Variants in GRIP1 observed in about 807,000 individuals in gnomAD.
GRIP1 encodes the protein glutamate receptor-interacting protein 1.
GRIP1 carries 45 observed loss-of-function variants against 129.9 expected under a neutral mutation model. The observed-to-expected ratio is 0.35, with a 90% confidence interval of 0.27 to 0.44. The LOEUF (loss-of-function observed/expected upper bound fraction) is 0.44, where lower values mean the gene tolerates loss of function less well. Ranked by LOEUF, GRIP1 falls within the 20% of genes least tolerant of loss-of-function variation. The pLI, the probability that GRIP1 is intolerant of heterozygous loss-of-function variation, is 1.00. For missense variants in GRIP1, 1,196 were observed against 1,396.8 expected (o/e 0.86, Z 2.29); for synonymous variants, 530 against 520.8 (o/e 1.02, Z -0.24).
intron 19 of GRIP1, among the ~76,000 whole-genome samples, chr12:66,380,743 T>C (rs959455996): frequency 6.6e-6 from 1 of 152,108 alleles, no homozygotes; most frequent in African/African-American, 2.4e-5. Context: ...ATTATGGGGG[T>C]TCAAGTGGGG....
chr12:66,775,136 A>C lies in GRIP1; in HGVS notation c.-420+28917T>G, dbSNP rs577228680. Among the ~76,000 whole-genome samples the C allele has an allele frequency of 4.6e-5, 7 of 152,310 alleles. No homozygotes were observed. In the East Asian group the frequency reaches 1.3e-3, roughly 29 times the overall value. ...AATGTGAAATTAAATTAAAGGATGCATCTGTGCTCAGCCCCTAATTGCCAG... is the reference window on the plus strand; with the variant it reads ...AATGTGAAATTAAATTAAAGGATGCCTCTGTGCTCAGCCCCTAATTGCCAG... On this transcript the variant is annotated intron_variant, in intron 1 of 4. Coordinates refer to the GRIP1 transcript ENST00000538373.
intron 1 of GRIP1, among the ~76,000 whole-genome samples, chr12:66,943,249 G>C (rs1304114879): frequency 6.6e-6 from 1 of 152,178 alleles, no homozygotes; most frequent in Non-Finnish European, 1.5e-5. Flanking sequence ...CTTATAAGTA[G>C]TAAGGGTCTT....
chr12:66,539,485 A>AT (rs1301828722), intron 3 of GRIP1, among the ~76,000 whole-genome samples: 1 of 121,764 alleles, frequency 8.2e-6, no homozygotes, highest in Non-Finnish European at 1.7e-5. Flanking sequence ...ACTATCTCTG[A>AT]TTTTTTTCCT....
chr12:66,755,401 T>C (rs962330988), intron 1 of GRIP1, among the ~76,000 whole-genome samples: 5 of 152,326 alleles, frequency 3.3e-5, no homozygotes, highest in South Asian at 4.1e-4. Flanking sequence ...GTGGTCACCA[T>C]ACAGTGGTTT....
chr12:66,376,923 G>T, intron 22 of GRIP1, 94 bp downstream of exon 22: 4 of 876,388 alleles, frequency 4.6e-6, no homozygotes, highest in South Asian at 2.6e-5. Flanking sequence ...ATATACTTTT[G>T]ACTGCATTGT....
At chr12:66,887,841 C>T (rs1437231748) in intron 1 of GRIP1, among the ~76,000 whole-genome samples, 1 of 152,020 alleles carries the variant, frequency 6.6e-6, no homozygotes, top group African/African-American at 2.4e-5. Context: ...ATGCACCCTC[C>T]ACCAAAAGAG....
At chr12:66,790,633 TC>T in intron 1 of GRIP1, among the ~76,000 whole-genome samples, 1 of 152,088 alleles carries the variant, frequency 6.6e-6, no homozygotes, top group Non-Finnish European at 1.5e-5. Flanking sequence ...AATTCAAGGT[TC>T]CTAGTTTTTA....
chr12:66,949,597 CTG>C (rs1450791803), intron 1 of GRIP1, among the ~76,000 whole-genome samples: 1 of 152,086 alleles, frequency 6.6e-6, no homozygotes, highest in African/African-American at 2.4e-5. Flanking sequence ...TCTTATTAAA[CTG>C]TCTTGATGAC....
At chr12:66,832,825 T>C (rs1239874844) in intron 1 of GRIP1, among the ~76,000 whole-genome samples, 4 of 152,204 alleles carry the variant, frequency 2.6e-5, no homozygotes, top group Admixed American at 2.0e-4. Context: ...AGTGCATCAG[T>C]GACTGTAAAA....
intron 2 of GRIP1, among the ~76,000 whole-genome samples, chr12:66,593,275 G>A (rs1314163717): frequency 6.6e-6 from 1 of 152,122 alleles, no homozygotes; most frequent in Non-Finnish European, 1.5e-5. Context: ...GGAAAGGAGG[G>A]TGATAAAAGG....
chr12:66,868,058 T>C (rs1200571679), intron 1 of GRIP1, among the ~76,000 whole-genome samples: 4 of 152,156 alleles, frequency 2.6e-5, no homozygotes, highest in African/African-American at 7.2e-5. Flanking sequence ...AGGTATCACA[T>C]ACTTAATCTC....
At chr12:66,352,670 T>C (rs1263404492) in intron 24 of GRIP1, among the ~76,000 whole-genome samples, 3 of 140,290 alleles carry the variant, frequency 2.1e-5, no homozygotes, top group East Asian at 4.2e-4. Context: ...GAGGCAGAGG[T>C]TGCAGTGAGT....
At chr12:66,521,291 C>G (rs936577765) in intron 5 of GRIP1, among the ~76,000 whole-genome samples, 1 of 152,184 alleles carries the variant, frequency 6.6e-6, no homozygotes, top group Non-Finnish European at 1.5e-5. Context: ...TGTTAAGTGA[C>G]TGGCACAAAA....
At chr12:66,793,400 C>T (rs2038601044) in intron 1 of GRIP1, among the ~76,000 whole-genome samples, 1 of 152,034 alleles carries the variant, frequency 6.6e-6, no homozygotes, top group Non-Finnish European at 1.5e-5. Context: ...TCTTCCAGTC[C>T]AAGTATGCTG....
chr12:66,669,450 A>G (rs2033967630), intron 1 of GRIP1, among the ~76,000 whole-genome samples: 1 of 152,150 alleles, frequency 6.6e-6, no homozygotes. Flanking sequence ...CTTATTGGGC[A>G]TTTTCTTTGT....
intron 5 of GRIP1, among the ~76,000 whole-genome samples, chr12:66,527,964 T>G (rs1416598163): frequency 6.6e-6 from 1 of 151,832 alleles, no homozygotes; most frequent in African/African-American, 2.4e-5. Context: ...CCCTTGAACC[T>G]AAGATAGAAG....
chr12:66,805,582 T>C (rs2038973681), upstream of GRIP1, among the ~76,000 whole-genome samples: 1 of 152,188 alleles, frequency 6.6e-6, no homozygotes, highest in Non-Finnish European at 1.5e-5. Context: ...TAAAGATAGT[T>C]CAATATCTGT....
intron 3 of GRIP1, among the ~76,000 whole-genome samples, chr12:66,540,150 T>TG (rs1383928714): frequency 6.6e-6 from 1 of 152,252 alleles, no homozygotes; most frequent in Non-Finnish European, 1.5e-5. Flanking sequence ...ACTTCTGTGC[T>TG]GTTGCTTTTT....
At chr12:66,850,776 C>T (rs1038760328) in intron 1 of GRIP1, among the ~76,000 whole-genome samples, 2 of 151,706 alleles carry the variant, frequency 1.3e-5, no homozygotes, top group African/African-American at 2.4e-5. Context: ...TATCAGCCAG[C>T]ATGTAACCAC....
Sources: allele counts gnomAD v4.1 joint callset (sites outside exome capture counted in the v4.1 genomes callset), GRCh38; gene constraint gnomAD v4.1.1; transcripts MANE v1.5; gene names NCBI Gene and HGNC (gene_info 2026-07-23, HGNC 2026-07-21).